Variants in SPATA9 observed in about 807,000 individuals in gnomAD.
SPATA9 encodes the protein spermatogenesis-associated protein 9.
Under a neutral mutation model 25.5 loss-of-function variants are expected in SPATA9, and 27 were observed. The ratio of observed to expected loss-of-function variants is 1.06; its 90% confidence interval spans 0.78 to 1.46. The LOEUF is 1.46. Among genes scored for constraint, SPATA9 ranks in the 40% most tolerant of loss-of-function variants. The pLI is 0.00. For synonymous variants in SPATA9, 102 were observed against 105.7 expected, an observed-to-expected ratio of 0.97 and a Z score of 0.21; for missense variants, 282 against 297.5, an observed-to-expected ratio of 0.95 and a Z score of 0.38.
intron 1 of SPATA9, among the ~76,000 whole-genome samples, chr5:95,695,422 C>A (rs1580358277): frequency 7.4e-6 from 1 of 134,730 alleles, no homozygotes. Flanking sequence ...ACATGGTGAA[C>A]CCCTATCTCT....
chr5:95,700,314 T>C (rs111284008), upstream of SPATA9, among the ~76,000 whole-genome samples: 2,589 of 152,200 alleles, frequency 0.017, 75 homozygotes, highest in African/African-American at 0.059. Context: ...TTTTTTTTTT[T>C]GTTTAGATGG....
chr5:95,713,716 A>G, the SPATA9 span: 5 of 152,232 alleles, frequency 3.3e-5, no homozygotes, highest in Non-Finnish European at 5.9e-5. Context: ...AGACAGGTAA[A>G]TTAAGTTGTT....
downstream of SPATA9, chr5:95,656,990 T>C (rs937676161): frequency 1.3e-5 from 2 of 152,108 alleles, no homozygotes; most frequent in African/African-American, 4.8e-5. Flanking sequence ...ACTTAACCAC[T>C]GTTAAGTGAT....
chr5:95,722,216 A>G, the SPATA9 span, among the ~76,000 whole-genome samples: 12 of 152,320 alleles, frequency 7.9e-5, no homozygotes, highest in African/African-American at 2.9e-4. Context: ...AAGGGAGTGC[A>G]GGAGATGGGG....
At chr5:95,659,893 G>A (rs890387073) in intron 4 of SPATA9, among the ~76,000 whole-genome samples, 4 of 152,004 alleles carry the variant, frequency 2.6e-5, no homozygotes, top group African/African-American at 9.7e-5. Flanking sequence ...AAGGATTTTT[G>A]GAAAAGTTTT....
the SPATA9 span, among the ~76,000 whole-genome samples, chr5:95,706,335 TAGTG>T: frequency 1.4e-3 from 205 of 148,938 alleles, no homozygotes; most frequent in African/African-American, 4.8e-3. Flanking sequence ...GATCTTGTGA[TAGTG>T]AGTGAGTTCT....
chr5:95,673,020 A>G (rs546177099), intron 3 of SPATA9, among the ~76,000 whole-genome samples: 19 of 152,314 alleles, frequency 1.2e-4, no homozygotes, highest in Non-Finnish European at 2.6e-4. Context: ...GTCATAGGCC[A>G]TTAAAAATAA....
At chr5:95,726,976 C>G in the SPATA9 span, among the ~76,000 whole-genome samples, 1 of 149,772 alleles carries the variant, frequency 6.7e-6, no homozygotes, top group African/African-American at 2.5e-5. Context: ...TTTTTTTTTT[C>G]AGTAAAAAAT....
intron 3 of SPATA9, among the ~76,000 whole-genome samples, chr5:95,664,547 A>G (rs746672956): frequency 2.0e-5 from 3 of 152,194 alleles, no homozygotes; most frequent in African/African-American, 4.8e-5. Flanking sequence ...TTCTGTGCTC[A>G]TATGCAACAG....
chr5:95,689,721 T>A (rs1561419021), intron 1 of SPATA9, among the ~76,000 whole-genome samples: 1 of 152,178 alleles, frequency 6.6e-6, no homozygotes, highest in Non-Finnish European at 1.5e-5. Context: ...TTAGAAGACA[T>A]ACTTTTGCAG....
Position 95,674,653 on chromosome 5 carries a change from C to T in SPATA9, c.378+759G>A, listed in dbSNP as rs544356291. 7.4e-5 allele frequency: 28 copies of T among 379,092 alleles called. 1 individual carries two copies. In the East Asian group the frequency reaches 1.3e-3, roughly 17 times the overall value. 23.5% of individuals were successfully genotyped at this position (379,092 alleles called of 1,614,324 possible). A position where few individuals can be genotyped will look rare whatever the true frequency, so the allele number is the denominator to read the frequency against. ...GCAGAACCAAGACACTGAGCAAAAG[C>T]GAGAAAGGATCCGGAAGGTATCGTT... On this transcript the variant is annotated intron_variant, in intron 3 of 4. Coordinates refer to ENST00000274432, the MANE Select transcript of SPATA9 (RefSeq NM_031952.4).
upstream of SPATA9, among the ~76,000 whole-genome samples, chr5:95,698,876 A>T (rs1012229227): frequency 1.3e-5 from 2 of 152,136 alleles, no homozygotes; most frequent in Non-Finnish European, 2.9e-5. Context: ...ATTACAGCAA[A>T]CTCAACTCAA....
At position 95,658,788 on chromosome 5, in the gene SPATA9, C is replaced by T. The variant is rs1750968223; in HGVS notation, c.600G>A (p.Glu200=). The T allele has an allele frequency of 5.6e-6, 9 of 1,613,824 alleles. No homozygotes were observed. The highest frequency in any genetic ancestry group is 1.3e-5 in the African/African-American group (1 of 74,898). ...TGATTTCACCTTCAGCAAACATAGG[C>T]TCCGAAAGCACAGGCTCAGAAAAGG... is the stretch of plus-strand genomic sequence containing the variant. ...RKAFSEPVLS[E]PMFAEGEIKA... is the part of the protein sequence containing the mutation. The change falls in exon 5 of 5, where the codon GAG becomes GAA. Residue 200 remains glutamate (E), a synonymous_variant. Coordinates refer to ENST00000274432, the MANE Select transcript of SPATA9 (RefSeq NM_031952.4).
intron 1 of SPATA9, among the ~76,000 whole-genome samples, chr5:95,693,854 T>C (rs369288857): frequency 6.6e-6 from 1 of 152,176 alleles, no homozygotes; most frequent in East Asian, 1.9e-4. Flanking sequence ...CAAACTATAA[T>C]TGAAGCATTT....
intron 1 of SPATA9, chr5:95,698,537 A>G (rs2112714351): frequency 6.6e-6 from 1 of 152,308 alleles, no homozygotes; most frequent in African/African-American, 2.4e-5. Context: ...TCCTAAGGGC[A>G]CCAATGTCAG....
upstream of SPATA9, among the ~76,000 whole-genome samples, chr5:95,683,455 A>G (rs1407729435): frequency 6.6e-6 from 1 of 152,198 alleles, no homozygotes; most frequent in Non-Finnish European, 1.5e-5. Context: ...TCAGATGACC[A>G]TTAGTTCCCC....
At chr5:95,653,017 C>A in exon 9 of SPATA9, 1 of 1,494,610 alleles carries the variant, frequency 6.7e-7, no homozygotes. Context: ...AACCTGGCTC[C>A]TGCCTGTTTA....
intron 1 of SPATA9, among the ~76,000 whole-genome samples, chr5:95,690,883 TA>T (rs1213007914): frequency 2.0e-5 from 3 of 152,252 alleles, no homozygotes; most frequent in Admixed American, 6.5e-5. Context: ...ATTTCTGGTT[TA>T]TTTTTTAATC....
At chr5:95,674,611 T>C in intron 3 of SPATA9, 2 of 258,740 alleles carry the variant, frequency 7.7e-6, no homozygotes, top group Non-Finnish European at 1.6e-5. Context: ...AGCCTAATAA[T>C]GGAGTCAAGA....
Sources: allele counts gnomAD v4.1 joint callset (sites outside exome capture counted in the v4.1 genomes callset), GRCh38; gene constraint gnomAD v4.1.1; transcripts MANE v1.5; gene names NCBI Gene and HGNC (gene_info 2026-07-23, HGNC 2026-07-21).